The following NAA25 variants were observed in gnomAD, a reference collection of about 807,000 sequenced individuals.
NAA25 encodes N-alpha-acetyltransferase 25, NatB auxiliary subunit.
A neutral mutation model predicts 132.5 loss-of-function variants in NAA25; 30 were observed. The ratio of observed to expected loss-of-function variants is 0.23; its 90% confidence interval spans 0.17 to 0.31. The LOEUF (loss-of-function observed/expected upper bound fraction) is 0.31, where lower values mean the gene tolerates loss of function less well. NAA25 is among the 10% of genes least tolerant of loss of function. The probability of loss-of-function intolerance (pLI) is 1.00; values close to 1 mark genes in which losing one functional copy is unlikely to be tolerated. For synonymous variants in NAA25, 359 were observed against 401.9 expected (o/e 0.89, Z 1.28); for missense variants, 771 against 1,150.4 (o/e 0.67, Z 4.77).
intron 23 of NAA25, among the ~76,000 whole-genome samples, chr12:112,030,138 TAGAGG>T (rs1467914746): frequency 5.1e-5 from 7 of 136,514 alleles, no homozygotes; most frequent in Non-Finnish European, 1.1e-4. Flanking sequence ...GCTTGAACTC[TAGAGG>T]TAGAGGTAGT....
chr12:112,033,194 G>A (rs778077828), intron 23 of NAA25, 39 bp downstream of exon 23: 9 of 1,559,768 alleles, frequency 5.8e-6, no homozygotes, highest in Non-Finnish European at 7.8e-6. Flanking sequence ...GTGTTTGTGT[G>A]TGTGTAGAAA....
intron 10 of NAA25, 187 bp from the exon 11 acceptor site, chr12:112,069,179 C>T: frequency 1.9e-6 from 1 of 535,294 alleles, no homozygotes; most frequent in Non-Finnish European, 3.3e-6. Context: ...ACTCTTTCCC[C>T]CTTTTCACCA....
At chr12:112,058,690 G>A (rs1452161895) in intron 13 of NAA25, among the ~76,000 whole-genome samples, 17 of 152,112 alleles carry the variant, frequency 1.1e-4, no homozygotes, top group African/African-American at 1.9e-4. Context: ...TTGGGAGGCC[G>A]CGGCGGGTGG....
intron 11 of NAA25, among the ~76,000 whole-genome samples, chr12:112,066,291 A>T (rs1050991624): frequency 6.6e-6 from 1 of 152,232 alleles, no homozygotes; most frequent in Non-Finnish European, 1.5e-5. Flanking sequence ...CTGTAAGACA[A>T]GATCAGTTAT....
At chr12:112,079,641 T>C (rs1302736021) in intron 5 of NAA25, among the ~76,000 whole-genome samples, 1 of 151,998 alleles carries the variant, frequency 6.6e-6, no homozygotes, top group East Asian at 1.9e-4. Context: ...AGCTAATGTA[T>C]GAAGGCAGAC....
rs1310212482 is a variant in NAA25 at position 112,049,288 on chromosome 12, G to C, written c.1729-845C>G. On this transcript the variant is annotated intron_variant, in intron 15 of 23. Coordinates refer to ENST00000261745, the MANE Select transcript of NAA25 (RefSeq NM_024953.4). This position sits in a 1 kb window ranked among gnomAD's most constrained non-coding sequence, Gnocchi z 4.7. ...TCATGGGTGTGGGTCTATGCCATCAGGATCAGAAGACAGGAGATTACCCCT... is the reference window on the plus strand; with the variant it reads ...TCATGGGTGTGGGTCTATGCCATCACGATCAGAAGACAGGAGATTACCCCT... 1.3e-5 allele frequency among the ~76,000 whole-genome samples: 2 copies of C among 152,208 alleles called. No homozygotes were observed. The highest frequency in any genetic ancestry group is 2.9e-5 in the Non-Finnish European group (2 of 68,034).
At chr12:112,075,537 A>T in intron 8 of NAA25, 141 bp downstream of exon 8, 2 of 619,876 alleles carry the variant, frequency 3.2e-6, no homozygotes, top group Non-Finnish European at 5.5e-6. Context: ...CTCCTTAAAA[A>T]CTTTTAGAAA....
chr12:112,051,686 A>G (rs542109404), intron 15 of NAA25, among the ~76,000 whole-genome samples: 2 of 152,326 alleles, frequency 1.3e-5, no homozygotes, highest in South Asian at 2.1e-4. Flanking sequence ...TGAATTAGTC[A>G]CTTTTGCCAC....
chr12:112,074,028 T>C (rs1316912087), intron 9 of NAA25, among the ~76,000 whole-genome samples: 1 of 152,116 alleles, frequency 6.6e-6, no homozygotes, highest in Non-Finnish European at 1.5e-5. Flanking sequence ...ATCCCATTTT[T>C]ATATTAAATA....
At chr12:112,058,600 T>C (rs2078579734) in intron 13 of NAA25, among the ~76,000 whole-genome samples, 1 of 152,174 alleles carries the variant, frequency 6.6e-6, no homozygotes, top group South Asian at 2.1e-4. Flanking sequence ...GGCTCAAGCC[T>C]TGGCTTCCTG....
intron 5 of NAA25, among the ~76,000 whole-genome samples, chr12:112,080,278 C>CAAA (rs762037242): frequency 7.8e-5 from 4 of 51,112 alleles, no homozygotes; most frequent in African/African-American, 2.0e-4. Context: ...GACTCTGTCT[C>CAAA]AAAAAAAAAA....
At chr12:112,098,773 C>CT (rs1054751177) in intron 1 of NAA25, among the ~76,000 whole-genome samples, 2 of 151,914 alleles carry the variant, frequency 1.3e-5, no homozygotes, top group African/African-American at 4.8e-5. Context: ...CTCTTTCTTT[C>CT]TTTTTTTTGA....
intron 20 of NAA25, among the ~76,000 whole-genome samples, chr12:112,041,621 C>T (rs1468496289): frequency 6.6e-6 from 1 of 152,014 alleles, no homozygotes; most frequent in Non-Finnish European, 1.5e-5. Flanking sequence ...TCAAATAATA[C>T]CCTAACAATT....
chr12:112,040,070 AGAG>A (rs754751841), intron 21 of NAA25: 114 of 156,946 alleles, frequency 7.3e-4, no homozygotes, highest in Non-Finnish European at 1.4e-3. Flanking sequence ...TGGCAAAAAA[AGAG>A]GAGGGAGTTT....
intron 22 of NAA25, chr12:112,034,556 G>T (rs1213076809): frequency 1.3e-5 from 2 of 152,302 alleles, no homozygotes; most frequent in African/African-American, 2.4e-5. Context: ...AACCTGGGAG[G>T]CGTAAGTTGC....
At chr12:112,035,394 A>C (rs1218754013) in intron 22 of NAA25, 1 of 152,040 alleles carries the variant, frequency 6.6e-6, no homozygotes. Context: ...TCCTGGGCTC[A>C]AGCTATTCTC....
intron 11 of NAA25, among the ~76,000 whole-genome samples, chr12:112,068,077 C>T (rs1216155722): frequency 6.6e-6 from 1 of 151,976 alleles, no homozygotes; most frequent in East Asian, 1.9e-4. Flanking sequence ...CTCACTCTGT[C>T]GCTCAGGCTG....
At chr12:112,048,475 T>C (rs759947437) in intron 15 of NAA25, 32 bp from the exon 16 acceptor site, 29 of 1,596,438 alleles carry the variant, frequency 1.8e-5, no homozygotes, top group Middle Eastern at 1.7e-4. Context: ...TTGGTATAAA[T>C]AGTTCACAAG....
chr12:112,071,425 GGACTCAAGA>G (rs1285565715), intron 10 of NAA25, among the ~76,000 whole-genome samples: 3 of 152,094 alleles, frequency 2.0e-5, no homozygotes, highest in African/African-American at 7.2e-5. Context: ...TCTGCCTCCT[GGACTCAAGA>G]GACTCTCCTG....
Sources: gnomAD v4.1 joint callset for allele counts (sites outside exome capture counted in the v4.1 genomes callset) on GRCh38, gnomAD v4.1.1 for gene constraint, Gnocchi (gnomAD v3.1) non-coding constraint, MANE v1.5 for transcripts, NCBI Gene and HGNC (gene_info 2026-07-23, HGNC 2026-07-21) for gene names.